Variants in FBXW7 observed in about 807,000 individuals in gnomAD.
FBXW7 encodes F-box and WD repeat domain containing 7, also known as F-box/WD repeat-containing protein 7.
In FBXW7, 11 loss-of-function variants were observed where a neutral mutation model predicts 86.3. The observed-to-expected ratio is 0.13, with a 90% confidence interval of 0.08 to 0.21. The LOEUF is 0.21. FBXW7 is among the 10% of genes least tolerant of loss of function. The pLI, the probability that FBXW7 is intolerant of heterozygous loss-of-function variation, is 1.00. For synonymous variants in FBXW7, 313 were observed against 297.9 expected (o/e 1.05, Z -0.52); for missense variants, 488 against 847.4 (o/e 0.58, Z 5.27).
chr4:152,345,989 AT>A (rs1390893972), intron 6 of FBXW7, among the ~76,000 whole-genome samples: 1 of 152,068 alleles, frequency 6.6e-6, no homozygotes. Flanking sequence ...AATATCAGAT[AT>A]TTTTTACTTT....
At position 152,322,675 on chromosome 4, in the gene FBXW7, C is replaced by T. The variant is rs190644134; in HGVS notation, c.*206G>A. 314 of 787,662 alleles carry T rather than the reference C, an allele frequency of 4.0e-4. 1 individual carries two copies. The African/African-American group carries it at 4.9e-3, about 12-fold the overall frequency. The allele number at this position is 787,662 out of a possible 1,614,324, so 48.8% of individuals were successfully genotyped here. The stretch of plus-strand genomic sequence containing the variant: ...GCCTTTTATGTGATGAGACAGCAGA[C>T]GCCTCTCTTGTCAGTTATGGTTTGT... On this transcript the variant is annotated 3_prime_UTR_variant, in exon 14 of 14. Coordinates refer to ENST00000281708, the MANE Select transcript of FBXW7 (RefSeq NM_001349798.2).
intron 2 of FBXW7, among the ~76,000 whole-genome samples, chr4:152,492,329 TA>T (rs1321443670): frequency 6.6e-6 from 1 of 152,182 alleles, no homozygotes; most frequent in Non-Finnish European, 1.5e-5. Flanking sequence ...CTGTAAGGAG[TA>T]AATCGACTGT....
At chr4:152,501,852 A>T (rs1367617489) in intron 2 of FBXW7, among the ~76,000 whole-genome samples, 1 of 152,186 alleles carries the variant, frequency 6.6e-6, no homozygotes. Context: ...CTAGTAACAT[A>T]CAGGCAAGCT....
intron 2 of FBXW7, among the ~76,000 whole-genome samples, chr4:152,454,779 A>C (rs1742259064): frequency 6.6e-6 from 1 of 152,194 alleles, no homozygotes; most frequent in South Asian, 2.1e-4. Context: ...ATGGAAGATA[A>C]GGATAAAGAC....
Position 152,536,075 on chromosome 4 carries a change from T to C in FBXW7, c.-1161A>G. The C allele has an allele frequency of 6.0e-6, 1 of 167,366 alleles. No homozygotes were observed. Among genetic ancestry groups the C allele is most frequent in the Non-Finnish European group, 1.3e-5 (1 of 76,902 alleles). 10.4% of individuals were successfully genotyped at this position (167,366 alleles called of 1,614,324 possible). On this transcript the variant is annotated 5_prime_UTR_variant, in exon 1 of 14. Coordinates refer to ENST00000281708, the MANE Select transcript of FBXW7 (RefSeq NM_001349798.2). ...GTCTCCCTCGCTCTGTGCGGGGCTC[T>C]CGCCTCACTCCAGAGAGAGGGGCGG...
intron 2 of FBXW7, among the ~76,000 whole-genome samples, chr4:152,472,643 G>C (rs1744060001): frequency 6.6e-6 from 1 of 152,156 alleles, no homozygotes; most frequent in Non-Finnish European, 1.5e-5. Flanking sequence ...TTCATGTAAA[G>C]GAATATGACA....
At chr4:152,405,123 T>C (rs1182129041) in intron 4 of FBXW7, among the ~76,000 whole-genome samples, 1 of 108,874 alleles carries the variant, frequency 9.2e-6, no homozygotes, top group South Asian at 2.9e-4. Flanking sequence ...AAAAAAGAGG[T>C]GAAATGACAA....
chr4:152,432,804 A>T (rs57199846), intron 2 of FBXW7, among the ~76,000 whole-genome samples: 72,173 of 152,066 alleles, frequency 0.47, 20,419 homozygotes, highest in African/African-American at 0.79. Context: ...AGAGCGAGAC[A>T]CTGTCTCAAA....
chr4:152,508,074 A>AG (rs781470592), intron 2 of FBXW7, among the ~76,000 whole-genome samples: 40 of 152,004 alleles, frequency 2.6e-4, no homozygotes, highest in Middle Eastern at 3.4e-3. Flanking sequence ...TGACTCAAAA[A>AG]GAAAAAAAAA....
At chr4:152,359,513 G>A (rs1018996176) in intron 4 of FBXW7, among the ~76,000 whole-genome samples, 1 of 152,104 alleles carries the variant, frequency 6.6e-6, no homozygotes, top group Non-Finnish European at 1.5e-5. Context: ...TGGGGCAGGA[G>A]GATCGTTTGA....
chr4:152,376,993 C>A (rs889938427), intron 4 of FBXW7, among the ~76,000 whole-genome samples: 1 of 151,830 alleles, frequency 6.6e-6, no homozygotes, highest in Non-Finnish European at 1.5e-5. Flanking sequence ...TATAAAGGGA[C>A]GGTGCTACAA....
intron 2 of FBXW7, among the ~76,000 whole-genome samples, chr4:152,479,826 AG>A (rs1744725444): frequency 6.6e-6 from 1 of 152,176 alleles, no homozygotes; most frequent in South Asian, 2.1e-4. Flanking sequence ...CAAGATTTAC[AG>A]AATAATTGGG....
chr4:152,428,600 A>G (rs1233418935), intron 2 of FBXW7, among the ~76,000 whole-genome samples: 1 of 152,196 alleles, frequency 6.6e-6, no homozygotes, highest in South Asian at 2.1e-4. Flanking sequence ...TTCATCTGTT[A>G]TATAGCATCT....
At chr4:152,355,800 C>T (rs1312487968) in intron 4 of FBXW7, among the ~76,000 whole-genome samples, 6 of 151,612 alleles carry the variant, frequency 4.0e-5, no homozygotes, top group Admixed American at 3.3e-4. Context: ...TTAGAAGTAA[C>T]GAGGAAAAAA....
At position 152,535,312 on chromosome 4, in the gene FBXW7, A is replaced by G. The variant is rs995600170; in HGVS notation, c.-398T>C. 3.6e-6 allele frequency: 1 copy of G among 281,462 alleles called. No individual in the cohort carries two copies. The highest frequency in any genetic ancestry group is 6.5e-6 in the Non-Finnish European group (1 of 153,752). 17.4% of individuals were successfully genotyped at this position (281,462 alleles called of 1,614,324 possible). ...GCCGCCCTCGGGACTGGGGCGGGGGAGGGGGGCTCTAGGAACTCCTCCCGG... is the reference window on the plus strand; with the variant it reads ...GCCGCCCTCGGGACTGGGGCGGGGGGGGGGGGCTCTAGGAACTCCTCCCGG... On this transcript the variant is annotated 5_prime_UTR_variant, in exon 1 of 14. Transcript: ENST00000281708.
At position 152,334,334 on chromosome 4, in the gene FBXW7, C is replaced by T. The variant is rs559424247; in HGVS notation, c.862-1615G>A. 1.4e-4 allele frequency among the ~76,000 whole-genome samples: 21 copies of T among 152,184 alleles called. No individual in the cohort carries two copies. In the East Asian group the frequency reaches 2.3e-3, roughly 17 times the overall value. ...TTGTACTTAACAGATACTCCAAAAGCTACTTAATTTGGGAATTACCAATCA... is the reference window on the plus strand; with the variant it reads ...TTGTACTTAACAGATACTCCAAAAGTTACTTAATTTGGGAATTACCAATCA... On this transcript the variant is annotated intron_variant, in intron 7 of 13. Coordinates refer to ENST00000281708, the MANE Select transcript of FBXW7 (RefSeq NM_001349798.2).
At chr4:152,428,937 C>T (rs1443861962) in intron 2 of FBXW7, among the ~76,000 whole-genome samples, 1 of 152,136 alleles carries the variant, frequency 6.6e-6, no homozygotes, top group African/African-American at 2.4e-5. Context: ...TGCCTGTAAT[C>T]CCAGCACTTT....
intron 4 of FBXW7, among the ~76,000 whole-genome samples, chr4:152,408,220 T>C (rs1737603972): frequency 6.6e-6 from 1 of 152,196 alleles, no homozygotes; most frequent in Non-Finnish European, 1.5e-5. Flanking sequence ...AAGATCAGGA[T>C]ACCAGATCTG....
intron 2 of FBXW7, among the ~76,000 whole-genome samples, chr4:152,513,979 T>A (rs192005855): frequency 9.0e-4 from 137 of 152,378 alleles, no homozygotes; most frequent in African/African-American, 3.1e-3. Context: ...AAATATACAC[T>A]GATTTCAAAG....
Sources: gnomAD v4.1 joint callset for allele counts (sites outside exome capture counted in the v4.1 genomes callset) on GRCh38, gnomAD v4.1.1 for gene constraint, MANE v1.5 for transcripts, NCBI Gene and HGNC (gene_info 2026-07-23, HGNC 2026-07-21) for gene names.